Variants in TPST1 observed in about 807,000 individuals in gnomAD.
TPST1 encodes the protein tyrosylprotein sulfotransferase 1.
A neutral mutation model predicts 34.8 loss-of-function variants in TPST1; 20 were observed. That is an observed-to-expected ratio of 0.57 (90% CI 0.40 to 0.84). The LOEUF is 0.84. TPST1 is among the 40% of genes least tolerant of loss of function. TPST1 has a pLI of 0.00. For missense variants in TPST1, 353 were observed against 455.5 expected, an observed-to-expected ratio of 0.78 and a Z score of 2.05; for synonymous variants, 152 against 159.4, an observed-to-expected ratio of 0.95 and a Z score of 0.35.
intron 3 of TPST1, among the ~76,000 whole-genome samples, chr7:66,347,411 C>T (rs1447923201): frequency 1.3e-5 from 2 of 152,084 alleles, no homozygotes; most frequent in Admixed American, 6.6e-5. Context: ...CCAGTTTTCC[C>T]AGCACCATTT....
intron 1 of TPST1, among the ~76,000 whole-genome samples, chr7:66,213,946 T>A (rs1789333379): frequency 6.6e-6 from 1 of 152,170 alleles, no homozygotes; most frequent in South Asian, 2.1e-4. Flanking sequence ...TTAAACTTTA[T>A]GTTTTAGTAG....
intron 3 of TPST1, among the ~76,000 whole-genome samples, chr7:66,313,612 G>T (rs575901082): frequency 6.6e-6 from 1 of 152,046 alleles, no homozygotes; most frequent in African/African-American, 2.4e-5. Context: ...AATCTATATC[G>T]TTCCTCATAT....
chr7:66,230,092 G>T (rs191754325), intron 1 of TPST1, among the ~76,000 whole-genome samples: 2 of 152,170 alleles, frequency 1.3e-5, no homozygotes, highest in Non-Finnish European at 2.9e-5. Flanking sequence ...GGAGGCTGAG[G>T]CAGGAGAATC....
intron 3 of TPST1, among the ~76,000 whole-genome samples, chr7:66,326,169 G>A (rs113135193): frequency 0.012 from 1,819 of 152,204 alleles, 29 homozygotes; most frequent in African/African-American, 0.041. Flanking sequence ...AGGATCTTAC[G>A]CTTTTATTCT....
chr7:66,268,381 A>G (rs1790632996), intron 2 of TPST1, among the ~76,000 whole-genome samples: 2 of 152,248 alleles, frequency 1.3e-5, no homozygotes, highest in South Asian at 4.1e-4. Context: ...CAGCACTTTA[A>G]TAATGAAATC....
At chr7:66,318,030 G>C (rs571179959) in intron 3 of TPST1, among the ~76,000 whole-genome samples, 2 of 152,198 alleles carry the variant, frequency 1.3e-5, no homozygotes, top group African/African-American at 2.4e-5. Context: ...GGGGTGGCAG[G>C]CGCCTATAAT....
intron 1 of TPST1, among the ~76,000 whole-genome samples, chr7:66,209,869 A>G (rs529914749): frequency 1.7e-3 from 253 of 152,238 alleles, no homozygotes; most frequent in Non-Finnish European, 2.8e-3. Flanking sequence ...GAGTCTTGCT[A>G]TGTTGCCCAG....
chr7:66,272,029 C>A (rs939855894), intron 2 of TPST1, among the ~76,000 whole-genome samples: 1 of 152,192 alleles, frequency 6.6e-6, no homozygotes, highest in African/African-American at 2.4e-5. Flanking sequence ...ACTTTGATAA[C>A]AGCTGCTCTG....
intron 3 of TPST1, among the ~76,000 whole-genome samples, chr7:66,306,921 G>T (rs1584225836): frequency 6.6e-6 from 1 of 151,994 alleles, no homozygotes; most frequent in Admixed American, 6.6e-5. Flanking sequence ...CACCATGTTG[G>T]CCAGGCTGGT....
intron 1 of TPST1, among the ~76,000 whole-genome samples, chr7:66,214,054 A>G (rs902450470): frequency 6.6e-6 from 1 of 152,194 alleles, no homozygotes; most frequent in African/African-American, 2.4e-5. Flanking sequence ...TCAACCATTT[A>G]AAGTGTAAAA....
intron 2 of TPST1, among the ~76,000 whole-genome samples, chr7:66,249,214 T>G (rs1790214296): frequency 6.9e-6 from 1 of 144,298 alleles, no homozygotes; most frequent in Non-Finnish European, 1.5e-5. Context: ...AAAAAATTCT[T>G]TTTTTTTTTT....
intron 2 of TPST1, among the ~76,000 whole-genome samples, chr7:66,278,029 G>GGT (rs1205229704): frequency 6.8e-6 from 1 of 147,124 alleles, no homozygotes; most frequent in African/African-American, 2.5e-5. Context: ...GAGCCCATGA[G>GGT]GTGGACGTTG....
In TPST1 at chr7:66,332,669, TG is replaced by T. The variant is rs903400173; in HGVS notation, c.1045-19829del. ...CAACTAACCATGGACTGAAAATATG[TG>T]GGGGGGAAATGATGCTTACATCTGT... On this transcript the variant is annotated intron_variant, in intron 3 of 5. Transcript: ENST00000304842. This position sits in a 1 kb window ranked among gnomAD's most constrained non-coding sequence, Gnocchi z 4.5. 6.6e-6 allele frequency among the ~76,000 whole-genome samples: 1 copy of T among 151,994 alleles called. No homozygotes were observed. Among genetic ancestry groups the T allele is most frequent in the Non-Finnish European group, 1.5e-5 (1 of 67,996 alleles).
chr7:66,277,433 G>T (rs1790842209), intron 2 of TPST1, among the ~76,000 whole-genome samples: 1 of 152,086 alleles, frequency 6.6e-6, no homozygotes, highest in African/African-American at 2.4e-5. Context: ...GGGGATTGTG[G>T]TTACTGTTGG....
chr7:66,229,697 C>T (rs1478111919), intron 1 of TPST1, among the ~76,000 whole-genome samples: 3 of 152,252 alleles, frequency 2.0e-5, no homozygotes, highest in Non-Finnish European at 2.9e-5. Flanking sequence ...TTGGACTCTG[C>T]GAAACTCTTT....
intron 5 of TPST1, among the ~76,000 whole-genome samples, chr7:66,358,077 T>C (rs1327377489): frequency 6.6e-6 from 1 of 151,536 alleles, no homozygotes; most frequent in African/African-American, 2.4e-5. Flanking sequence ...AGAGAGAGAC[T>C]TCGTCTCAAA....
upstream of TPST1, among the ~76,000 whole-genome samples, chr7:66,202,453 G>A (rs572457638): frequency 7.9e-5 from 12 of 152,230 alleles, no homozygotes; most frequent in African/African-American, 2.2e-4. Flanking sequence ...AGTTTAATAC[G>A]TGCTAGGAGG....
At chr7:66,286,825 T>TGG (rs1791050022) in intron 3 of TPST1, 116 bp downstream of exon 3, 9 of 637,300 alleles carry the variant, frequency 1.4e-5, no homozygotes, top group Admixed American at 4.4e-5. Context: ...ATATTTTTTT[T>TGG]TTTTTTCATT....
chr7:66,223,254 C>CT (rs1789580945), intron 1 of TPST1, among the ~76,000 whole-genome samples: 1 of 151,384 alleles, frequency 6.6e-6, no homozygotes, highest in Non-Finnish European at 1.5e-5. Flanking sequence ...CAAGACCAGC[C>CT]TGGGCATCAT....
Sources: allele counts gnomAD v4.1 joint callset (sites outside exome capture counted in the v4.1 genomes callset), GRCh38; gene constraint gnomAD v4.1.1; non-coding constraint Gnocchi (gnomAD v3.1); transcripts MANE v1.5; gene names NCBI Gene and HGNC (gene_info 2026-07-23, HGNC 2026-07-21).